Variants in ABI3BP observed in about 807,000 individuals in gnomAD.
ABI3BP encodes the protein ABI family member 3 binding protein, also known as target of Nesh-SH3.
Under a neutral mutation model 268.6 loss-of-function variants are expected in ABI3BP, and 216 were observed. That is an observed-to-expected ratio of 0.80 (90% CI 0.72 to 0.90). ABI3BP has a LOEUF of 0.90. Among genes scored for constraint, ABI3BP ranks in the 40% least tolerant of loss-of-function variants. The pLI is 0.00. For missense variants in ABI3BP, 2,090 were observed against 2,182.4 expected (o/e 0.96, Z 0.84); for synonymous variants, 730 against 730.0 (o/e 1.00, Z 0.00).
chr3:100,938,284 C>T (rs1036778548), intron 1 of ABI3BP, among the ~76,000 whole-genome samples: 2 of 147,966 alleles, frequency 1.4e-5, no homozygotes, highest in African/African-American at 2.5e-5. Flanking sequence ...GCACATGTAC[C>T]CCTGAACCTA....
In ABI3BP at chr3:100,830,462, T is replaced by C. The variant is rs1011841912; in HGVS notation, c.2458+116A>G. On this transcript the variant is annotated intron_variant, in intron 32 of 67. Transcript: ENST00000471714. ...CTTATACATATTAAGAAGTAATGAATAATAGAGGATAACACAGAAGCCTTG... is the reference window on the plus strand; with the variant it reads ...CTTATACATATTAAGAAGTAATGAACAATAGAGGATAACACAGAAGCCTTG... 1.6e-5 allele frequency: 13 copies of C among 807,034 alleles called. No homozygotes were observed. In the Middle Eastern group the frequency reaches 7.1e-4, roughly 44 times the overall value. The allele number at this position is 807,034 out of a possible 1,614,324, so 50.0% of individuals were successfully genotyped here. A position where few individuals can be genotyped will look rare whatever the true frequency, so the allele number is the denominator to read the frequency against.
intron 1 of ABI3BP, among the ~76,000 whole-genome samples, chr3:100,933,659 T>A (rs1249482329): frequency 1.4e-5 from 2 of 145,598 alleles, no homozygotes; most frequent in South Asian, 2.1e-4. Context: ...ATTGAAGGAC[T>A]TGTATTTATG....
At chr3:100,929,808 C>T (rs2063036488) in intron 1 of ABI3BP, among the ~76,000 whole-genome samples, 1 of 152,022 alleles carries the variant, frequency 6.6e-6, no homozygotes, top group Non-Finnish European at 1.5e-5. Context: ...GGTTTGCCTT[C>T]CCTACATGCC....
intron 34 of ABI3BP, among the ~76,000 whole-genome samples, chr3:100,826,741 G>A (rs1392274922): frequency 1.3e-5 from 2 of 152,140 alleles, no homozygotes; most frequent in South Asian, 4.1e-4. Context: ...AAGCACTCAA[G>A]AGGCTGGGTA....
chr3:100,785,264 A>C (rs923569176), intron 57 of ABI3BP, among the ~76,000 whole-genome samples: 5 of 152,214 alleles, frequency 3.3e-5, no homozygotes, highest in African/African-American at 1.2e-4. Flanking sequence ...AAAATGATGC[A>C]TTAGAAGAGT....
At chr3:100,813,954 G>A (rs563356879) in intron 44 of ABI3BP, among the ~76,000 whole-genome samples, 2 of 151,858 alleles carry the variant, frequency 1.3e-5, no homozygotes, top group South Asian at 4.2e-4. Context: ...TTTTTTAAGC[G>A]ATGGGAAAAA....
intron 46 of ABI3BP, 45 bp from the exon 47 acceptor site, chr3:100,811,844 A>G: frequency 7.4e-7 from 1 of 1,357,258 alleles, no homozygotes; most frequent in South Asian, 1.2e-5. Flanking sequence ...GCCAACCCAA[A>G]GCACACTGTA....
intron 35 of ABI3BP, among the ~76,000 whole-genome samples, chr3:100,825,346 A>G (rs2098357051): frequency 6.6e-6 from 1 of 151,166 alleles, no homozygotes; most frequent in South Asian, 2.1e-4. Flanking sequence ...CATTACTTAA[A>G]GCACTAATAA....
At chr3:100,948,808 A>G (rs2073680948) in intron 1 of ABI3BP, among the ~76,000 whole-genome samples, 1 of 152,180 alleles carries the variant, frequency 6.6e-6, no homozygotes, top group South Asian at 2.1e-4. Context: ...GAATATTTGC[A>G]TTATACTGGT....
chr3:100,904,254 G>A (rs1420892274), intron 2 of ABI3BP, among the ~76,000 whole-genome samples: 2 of 152,142 alleles, frequency 1.3e-5, no homozygotes, highest in Non-Finnish European at 2.9e-5. Context: ...CAGTCACATG[G>A]GGCCCCATGC....
At chr3:100,879,745 A>AT (rs557928339) in intron 6 of ABI3BP, among the ~76,000 whole-genome samples, 71 of 152,118 alleles carry the variant, frequency 4.7e-4, no homozygotes, top group African/African-American at 1.7e-3. Flanking sequence ...GAAGAATGCA[A>AT]TTTTTTTTCT....
chr3:100,854,835 G>A (rs1242932936), intron 14 of ABI3BP, among the ~76,000 whole-genome samples: 2 of 141,808 alleles, frequency 1.4e-5, no homozygotes, highest in African/African-American at 6.0e-5. Context: ...TCATAACTAA[G>A]TTTTACTTTC....
At chr3:100,773,243 G>C (rs892784256) in intron 61 of ABI3BP, among the ~76,000 whole-genome samples, 5 of 152,032 alleles carry the variant, frequency 3.3e-5, no homozygotes, top group Admixed American at 1.3e-4. Context: ...AAATGGTCTT[G>C]TATCCAGAAA....
chr3:100,837,595 A>G (rs79671174), intron 26 of ABI3BP, among the ~76,000 whole-genome samples: 15,065 of 152,050 alleles, frequency 0.099, 925 homozygotes, highest in African/African-American at 0.15. Context: ...CGTCTCTACT[A>G]AAAATACAAA....
intron 1 of ABI3BP, among the ~76,000 whole-genome samples, chr3:100,985,809 A>G (rs532976007): frequency 6.6e-6 from 1 of 152,368 alleles, no homozygotes; most frequent in African/African-American, 2.4e-5. Flanking sequence ...CAGTTTGCCA[A>G]TGTTGGCATC....
intron 26 of ABI3BP, 115 bp downstream of exon 26, chr3:100,838,095 C>A (rs1381409642): frequency 4.1e-6 from 5 of 1,229,742 alleles, no homozygotes; most frequent in Non-Finnish European, 5.7e-6. Flanking sequence ...AGATAATGAA[C>A]AAAATTATGG....
intron 44 of ABI3BP, 138 bp downstream of exon 44, chr3:100,815,773 CT>C (rs2098019396): frequency 1.7e-6 from 1 of 583,690 alleles, no homozygotes; most frequent in South Asian, 2.8e-5. Context: ...TGAATTAAAA[CT>C]GCTGACTATT....
At chr3:100,887,346 A>G (rs2153415228) in intron 4 of ABI3BP, among the ~76,000 whole-genome samples, 1 of 152,226 alleles carries the variant, frequency 6.6e-6, no homozygotes, top group Non-Finnish European at 1.5e-5. Context: ...AGATTGGTGC[A>G]TATAGTTTCC....
At chr3:100,759,016 C>T (rs139338968) in intron 63 of ABI3BP, among the ~76,000 whole-genome samples, 1 of 152,098 alleles carries the variant, frequency 6.6e-6, no homozygotes, top group Non-Finnish European at 1.5e-5. Context: ...TATTTTTTGC[C>T]TACAATTTAG....
Sources: gnomAD v4.1 joint callset for allele counts (sites outside exome capture counted in the v4.1 genomes callset) on GRCh38, gnomAD v4.1.1 for gene constraint, MANE v1.5 for transcripts, NCBI Gene and HGNC (gene_info 2026-07-23, HGNC 2026-07-21) for gene names.